Variants in GABRB1 observed in about 807,000 individuals in gnomAD.
GABRB1 encodes the protein gamma-aminobutyric acid type A receptor subunit beta1, also known as gamma-aminobutyric acid receptor subunit beta-1.
GABRB1 carries 17 observed loss-of-function variants against 51.6 expected under a neutral mutation model. The ratio of observed to expected loss-of-function variants is 0.33; its 90% CI spans 0.23 to 0.49. The LOEUF is 0.49. GABRB1 is among the 20% of genes least tolerant of loss of function. The pLI is 0.99. For synonymous variants in GABRB1, 247 were observed against 218.9 expected, an observed-to-expected ratio of 1.13 and a Z score of -1.14; for missense variants, 410 against 600.6, an observed-to-expected ratio of 0.68 and a Z score of 3.32.
chr4:47,226,909 A>G (rs1026697776), intron 4 of GABRB1, among the ~76,000 whole-genome samples: 9 of 152,210 alleles, frequency 5.9e-5, no homozygotes, highest in South Asian at 4.1e-4. Context: ...GAGCAGAGAC[A>G]ATGGAAACAA....
intron 3 of GABRB1, among the ~76,000 whole-genome samples, chr4:47,035,559 T>C (rs1263299948): frequency 6.6e-6 from 1 of 152,148 alleles, no homozygotes; most frequent in Non-Finnish European, 1.5e-5. Context: ...TTCTAAACTG[T>C]CATCTTAAAA....
intron 4 of GABRB1, among the ~76,000 whole-genome samples, chr4:47,217,263 C>A (rs1182355024): frequency 1.3e-5 from 2 of 151,652 alleles, no homozygotes; most frequent in South Asian, 2.1e-4. Flanking sequence ...GTATTAAATA[C>A]CTAAGTAGAA....
At chr4:47,355,798 T>C (rs1464171082) in intron 5 of GABRB1, among the ~76,000 whole-genome samples, 1 of 152,208 alleles carries the variant, frequency 6.6e-6, no homozygotes. Flanking sequence ...GTCATTTGGT[T>C]CATCAACTGT....
chr4:47,020,288 T>C (rs1411840460), intron 1 of GABRB1, among the ~76,000 whole-genome samples: 4 of 152,186 alleles, frequency 2.6e-5, no homozygotes, highest in Non-Finnish European at 4.4e-5. Context: ...TCTTCAAATA[T>C]AGTCACATTC....
At chr4:47,358,086 G>T (rs1247761450) in intron 5 of GABRB1, among the ~76,000 whole-genome samples, 7 of 152,134 alleles carry the variant, frequency 4.6e-5, no homozygotes, top group African/African-American at 9.6e-5. Context: ...AGGTTAAATG[G>T]CTTGCTTAAA....
At chr4:47,245,242 A>G (rs1032821362) in intron 4 of GABRB1, among the ~76,000 whole-genome samples, 1 of 152,164 alleles carries the variant, frequency 6.6e-6, no homozygotes, top group African/African-American at 2.4e-5. Flanking sequence ...TTTTTCCTGC[A>G]TCCAATAAGC....
intron 3 of GABRB1, among the ~76,000 whole-genome samples, chr4:47,067,563 A>G (rs1269471340): frequency 6.6e-6 from 1 of 151,904 alleles, no homozygotes; most frequent in Non-Finnish European, 1.5e-5. Flanking sequence ...TTTACTTTGG[A>G]CTTTTATGTT....
chr4:47,330,385 C>T (rs538234642), intron 5 of GABRB1, among the ~76,000 whole-genome samples: 1 of 152,298 alleles, frequency 6.6e-6, no homozygotes, highest in African/African-American at 2.4e-5. Flanking sequence ...TGAACCCATT[C>T]AATTCCATTT....
chr4:47,274,281 T>C lies in GABRB1; in HGVS notation c.462-45846T>C, dbSNP rs577102373. Among the ~76,000 whole-genome samples, 6 of 152,264 alleles carry C rather than the reference T, an allele frequency of 3.9e-5. No individual in the cohort carries two copies. In the South Asian group the frequency reaches 8.3e-4, roughly 21 times the overall value. On this transcript the variant is annotated intron_variant, in intron 4 of 8. Transcript: ENST00000295454. ...TAAGCAATAATGTACATAAAATGTT[T>C]GACATAGTGCCTGGCACACATTTAA...
At chr4:47,040,980 G>T (rs565063041) in intron 3 of GABRB1, among the ~76,000 whole-genome samples, 2 of 152,204 alleles carry the variant, frequency 1.3e-5, no homozygotes, top group East Asian at 3.9e-4. Context: ...TAGATGTGTG[G>T]GAAACTTACT....
At chr4:47,166,577 TAGTA>T (rs1251702102) in intron 4 of GABRB1, among the ~76,000 whole-genome samples, 2 of 152,114 alleles carry the variant, frequency 1.3e-5, no homozygotes, top group African/African-American at 2.4e-5. Context: ...TTTACATTAT[TAGTA>T]AGTCTTTTTA....
At chr4:47,089,028 A>G (rs1422862050) in intron 3 of GABRB1, among the ~76,000 whole-genome samples, 3 of 152,254 alleles carry the variant, frequency 2.0e-5, no homozygotes, top group East Asian at 3.9e-4. Flanking sequence ...TAAAATGTTT[A>G]TTGTCAAACC....
intron 8 of GABRB1, among the ~76,000 whole-genome samples, chr4:47,422,733 C>T (rs1729130634): frequency 6.6e-6 from 1 of 152,162 alleles, no homozygotes; most frequent in African/African-American, 2.4e-5. Flanking sequence ...ATTTGCTGGA[C>T]ACCACCACAA....
chr4:47,253,838 C>A (rs778484552), intron 4 of GABRB1, among the ~76,000 whole-genome samples: 2 of 152,072 alleles, frequency 1.3e-5, no homozygotes, highest in African/African-American at 4.8e-5. Flanking sequence ...GTCATGTTTT[C>A]CAAAGAAATG....
chr4:47,055,727 C>T (rs573652563), intron 3 of GABRB1, among the ~76,000 whole-genome samples: 1 of 152,228 alleles, frequency 6.6e-6, no homozygotes, highest in East Asian at 1.9e-4. Context: ...GTTGTCCTTC[C>T]ACTTCTACTC....
chr4:47,019,554 TC>T, intron 1 of GABRB1, among the ~76,000 whole-genome samples: 1 of 149,326 alleles, frequency 6.7e-6, no homozygotes, highest in Non-Finnish European at 1.5e-5. Context: ...TTAGTTTCTC[TC>T]TCTCTCTCTC....
At chr4:47,082,498 C>A (rs866180934) in intron 3 of GABRB1, among the ~76,000 whole-genome samples, 2 of 152,064 alleles carry the variant, frequency 1.3e-5, no homozygotes, top group East Asian at 3.8e-4. Context: ...AAGAGAACAA[C>A]TTTCTCACTA....
chr4:47,247,292 T>C lies in GABRB1; in HGVS notation c.462-72835T>C, dbSNP rs112835639. Among the ~76,000 whole-genome samples the C allele has an allele frequency of 1.5e-3, 227 of 152,212 alleles. 1 individual carries two copies. Among genetic ancestry groups the C allele is most frequent in the African/African-American group, 5.1e-3 (212 of 41,552 alleles). ...GAAAAGGGTGTCTTTTTCCCCACTTTATGTTTTGGTTTGCTTTGTCAAAGA... is the reference window on the plus strand; with the variant it reads ...GAAAAGGGTGTCTTTTTCCCCACTTCATGTTTTGGTTTGCTTTGTCAAAGA... On this transcript the variant is annotated intron_variant, in intron 4 of 8. Coordinates refer to ENST00000295454, the MANE Select transcript of GABRB1 (RefSeq NM_000812.4).
At chr4:47,331,102 T>C (rs1391929753) in intron 5 of GABRB1, among the ~76,000 whole-genome samples, 1 of 152,160 alleles carries the variant, frequency 6.6e-6, no homozygotes, top group African/African-American at 2.4e-5. Context: ...GCATTGGATA[T>C]CTCCTTAGAT....
Sources: gnomAD v4.1 joint callset for allele counts (sites outside exome capture counted in the v4.1 genomes callset) on GRCh38, gnomAD v4.1.1 for gene constraint, MANE v1.5 for transcripts, NCBI Gene and HGNC (gene_info 2026-07-23, HGNC 2026-07-21) for gene names.